PFKFB3: variants seen among roughly 807,000 people sequenced by gnomAD.
The protein encoded by PFKFB3 is 6-phosphofructo-2-kinase/fructose-2,6-bisphosphatase 3.
A neutral mutation model predicts 68.0 loss-of-function variants in PFKFB3; 33 were observed. The ratio of observed to expected loss-of-function variants is 0.49; its 90% CI spans 0.37 to 0.65. The LOEUF (loss-of-function observed/expected upper bound fraction) is 0.65. Among genes scored for constraint, PFKFB3 ranks in the 30% least tolerant of loss-of-function variants. The pLI, the probability that PFKFB3 is intolerant of heterozygous loss-of-function variation, is 0.00. For synonymous variants in PFKFB3, 315 were observed against 288.2 expected (o/e 1.09, Z -0.94); for missense variants, 586 against 712.2 (o/e 0.82, Z 2.02).
At chr10:6,217,302 G>C (rs1844650103) in intron 6 of PFKFB3, 111 bp downstream of exon 6, 2 of 958,666 alleles carry the variant, frequency 2.1e-6, no homozygotes, top group Non-Finnish European at 3.4e-6. Context: ...TGAGCCCTTA[G>C]GATGAGCAGC....
chr10:6,283,550 T>C, the PFKFB3 span, among the ~76,000 whole-genome samples: 18 of 3,646 alleles, frequency 4.9e-3, no homozygotes, highest in Admixed American at 0.034. Flanking sequence ...AGATGGAGGC[T>C]GGAAGACTCA....
intron 1 of PFKFB3, among the ~76,000 whole-genome samples, chr10:6,186,722 T>C (rs558286170): frequency 2.6e-4 from 39 of 152,274 alleles, no homozygotes; most frequent in African/African-American, 8.7e-4. Flanking sequence ...GGTCTCAAAC[T>C]CCTGGTCTCA....
intron 14 of PFKFB3, 178 bp downstream of exon 14, chr10:6,226,543 G>T: frequency 1.7e-6 from 1 of 592,640 alleles, no homozygotes; most frequent in Non-Finnish European, 2.9e-6. Flanking sequence ...ACACACTCAC[G>T]TGTTGAGGGA....
upstream of PFKFB3, among the ~76,000 whole-genome samples, chr10:6,202,202 G>A (rs1843386845): frequency 6.6e-6 from 1 of 152,198 alleles, no homozygotes; most frequent in Admixed American, 6.5e-5. Context: ...GCTCCCCGGG[G>A]CTTTCCCGCC....
intron 1 of PFKFB3, among the ~76,000 whole-genome samples, chr10:6,174,819 ATT>A (rs58730713): frequency 0.015 from 2,216 of 143,554 alleles, 31 homozygotes; most frequent in East Asian, 0.038. Flanking sequence ...TCTTTCTTTA[ATT>A]TTTTTTTTTT....
rs71391803 is a variant in PFKFB3, at chr10:6,249,178, TAAA to T, written c.1516-4977_1516-4975del. Among the ~76,000 whole-genome samples, 16 of 76,946 alleles carry T rather than the reference TAAA, an allele frequency of 2.1e-4. No individual in the cohort carries two copies. In the South Asian group the frequency reaches 2.7e-3, roughly 13 times the overall value. 50.5% of individuals were successfully genotyped at this position (76,946 alleles called of 152,430 possible). A position where few individuals can be genotyped will look rare whatever the true frequency, so the allele number is the denominator to read the frequency against. On this transcript the variant is annotated intron_variant, in intron 14 of 14. Coordinates refer to the PFKFB3 transcript ENST00000640683. Reference sequence around the variant, plus strand: ...AACAAGAGCAAAACTCCGTCTCAATTAAAAAAAAAAAAAAAAAAAAAAAAAGAA... The same window carrying T: ...AACAAGAGCAAAACTCCGTCTCAATTAAAAAAAAAAAAAAAAAAAAAAGAA...
At position 6,221,730 on chromosome 10, in the gene PFKFB3, C is replaced by G. The variant is rs369242634; in HGVS notation, c.1068C>G (p.Arg356=). 1.2e-6 allele frequency: 2 copies of G among 1,601,502 alleles called. No individual in the cohort carries two copies. Among genetic ancestry groups the G allele is most frequent in the South Asian group, 2.3e-5 (2 of 88,802 alleles). The change falls in exon 10 of 15, where the codon CGC becomes CGG. Residue 356 remains arginine, a synonymous_variant. Transcript: ENST00000379775. ...GGGAGCAGGACAAGTACTATTACCG[C>G]TACCCCACCGGGGAGGTGAGCGCAG... The part of the protein sequence containing the change: ...ALREQDKYYY[R]YPTGESYQDL...
At chr10:6,253,979 G>A (rs981112134) in intron 14 of PFKFB3, among the ~76,000 whole-genome samples, 44 of 152,224 alleles carry the variant, frequency 2.9e-4, no homozygotes, top group Admixed American at 2.5e-3. Flanking sequence ...AGGAGGAAGA[G>A]GTTGCAGTGA....
chr10:6,166,411 G>C (rs183872108), intron 1 of PFKFB3, among the ~76,000 whole-genome samples: 1 of 151,342 alleles, frequency 6.6e-6, no homozygotes, highest in South Asian at 2.1e-4. Flanking sequence ...TTTTTTCTGA[G>C]CCTCTTCCTC....
At chr10:6,283,468 G>T in the PFKFB3 span, among the ~76,000 whole-genome samples, 20 of 148,612 alleles carry the variant, frequency 1.3e-4, no homozygotes, top group Admixed American at 3.3e-4. Flanking sequence ...TCCCTGCTGT[G>T]CCTACTGAGT....
chr10:6,277,478 C>T, the PFKFB3 span, among the ~76,000 whole-genome samples: 1 of 152,280 alleles, frequency 6.6e-6, no homozygotes, highest in South Asian at 2.1e-4. Context: ...GCCTTGGCCT[C>T]CCGAAGTGCT....
In PFKFB3 at chr10:6,228,677, CCTATGGGGAA is replaced by C. The variant is rs921527278; in HGVS notation, c.1515+2313_1515+2322del. ...CTCAGAGCCTAATCTGTAAACCAAA[CCTATGGGGAA>C]TAGTGGGAGTGTGGTGGGGCCTGAG... On this transcript the variant is annotated intron_variant, in intron 14 of 14. Transcript: ENST00000379775. This position sits in a 1 kb window ranked among gnomAD's most constrained non-coding sequence, Gnocchi z 4.5. Among the ~76,000 whole-genome samples, 4 of 92,020 alleles carry C rather than the reference CCTATGGGGAA, an allele frequency of 4.3e-5. No individual in the cohort carries two copies. The highest frequency in any genetic ancestry group is 4.0e-4 in the Admixed American group (4 of 10,114). 60.4% of individuals were successfully genotyped at this position (92,020 alleles called of 152,430 possible).
chr10:6,199,805 C>A (rs181001662), upstream of PFKFB3, among the ~76,000 whole-genome samples: 4 of 151,266 alleles, frequency 2.6e-5, no homozygotes, highest in East Asian at 3.9e-4. Context: ...TGGCCAGGAT[C>A]ATTTTCAATA....
At position 6,215,447 on chromosome 10, in the gene PFKFB3, G is replaced by C. The variant is rs1466140406; in HGVS notation, c.299+130G>C. On this transcript the variant is annotated intron_variant, in intron 3 of 14. Transcript: ENST00000379775. This position sits in a 1 kb window ranked among gnomAD's most constrained non-coding sequence, Gnocchi z 4.3. The stretch of plus-strand genomic sequence containing the variant: ...GGCTGTGGGAATAAGGCTGGGCTGC[G>C]GGGCTGCGGGTGTAAGGCTGGGCTG... 1.4e-6 allele frequency: 1 copy of C among 704,916 alleles called. No individual in the cohort carries two copies. Among genetic ancestry groups the C allele is most frequent in the East Asian group, 2.7e-5 (1 of 36,900 alleles). The allele number at this position is 704,916 out of a possible 1,614,324, so 43.7% of individuals were successfully genotyped here.
intron 1 of PFKFB3, among the ~76,000 whole-genome samples, chr10:6,191,117 A>G (rs1453869113): frequency 6.6e-6 from 1 of 152,192 alleles, no homozygotes; most frequent in Non-Finnish European, 1.5e-5. Context: ...AATTGTGGGT[A>G]TACATGACAT....
At chr10:6,144,926 G>T, upstream of PFKFB3, 1 of 1,169,756 alleles carries the variant, frequency 8.5e-7, no homozygotes, top group Non-Finnish European at 1.1e-6. Flanking sequence ...GCCCCGAGTC[G>T]CGGGGCTGCC....
intron 1 of PFKFB3, among the ~76,000 whole-genome samples, chr10:6,211,629 CT>C (rs1167543640): frequency 6.6e-6 from 1 of 152,218 alleles, no homozygotes; most frequent in Non-Finnish European, 1.5e-5. Context: ...AAGAAAGCCC[CT>C]GGGTGCTTGG....
At chr10:6,167,989 C>T (rs1588410615) in intron 1 of PFKFB3, among the ~76,000 whole-genome samples, 1 of 152,320 alleles carries the variant, frequency 6.6e-6, no homozygotes, top group East Asian at 1.9e-4. Context: ...TCAGCTTCTT[C>T]ATCTGCGTCA....
At chr10:6,216,670 A>G in intron 4 of PFKFB3, 36 bp from the exon 5 acceptor site, 1 of 1,400,152 alleles carries the variant, frequency 7.1e-7, no homozygotes, top group Non-Finnish European at 1.0e-6. Flanking sequence ...ACTCAAACTT[A>G]GAGTTTTCTT....
Sources: allele counts gnomAD v4.1 joint callset (sites outside exome capture counted in the v4.1 genomes callset), GRCh38; gene constraint gnomAD v4.1.1; non-coding constraint Gnocchi (gnomAD v3.1); transcripts MANE v1.5; gene names NCBI Gene and HGNC (gene_info 2026-07-23, HGNC 2026-07-21).